The following RGS6 variants were observed in gnomAD, a reference collection of about 807,000 sequenced individuals.
RGS6 encodes the protein regulator of G-protein signaling 6.
RGS6 carries 30 observed loss-of-function variants against 78.5 expected under a neutral mutation model. The observed-to-expected ratio is 0.38, with a 90% confidence interval of 0.29 to 0.52. The LOEUF (loss-of-function observed/expected upper bound fraction) is 0.52, where lower values mean the gene tolerates loss of function less well. RGS6 is among the 20% of genes least tolerant of loss of function. The probability of loss-of-function intolerance (pLI) is 0.85; values close to 1 mark genes in which losing one functional copy is unlikely to be tolerated. For synonymous variants in RGS6, 206 were observed against 206.0 expected (o/e 1.00, Z 0.00); for missense variants, 495 against 609.7 (o/e 0.81, Z 1.98).
intron 2 of RGS6, among the ~76,000 whole-genome samples, chr14:72,051,811 G>T (rs1390210739): frequency 6.6e-6 from 1 of 152,174 alleles, no homozygotes; most frequent in Non-Finnish European, 1.5e-5. Context: ...AAGTCACTGA[G>T]AACTAAGGCT....
chr14:71,988,067 C>T (rs2094796880), intron 2 of RGS6, among the ~76,000 whole-genome samples: 3 of 152,094 alleles, frequency 2.0e-5, no homozygotes, highest in Admixed American at 2.0e-4. Context: ...TAGTGGCTGA[C>T]AAAAGGCACA....
the RGS6 span, among the ~76,000 whole-genome samples, chr14:72,573,530 A>C: frequency 6.6e-6 from 1 of 152,238 alleles, no homozygotes; most frequent in Non-Finnish European, 1.5e-5. Flanking sequence ...GATGGGAACC[A>C]CTGAACCAGA....
chr14:71,884,900 A>G, the RGS6 span, among the ~76,000 whole-genome samples: 5 of 152,182 alleles, frequency 3.3e-5, no homozygotes, highest in African/African-American at 9.7e-5. Context: ...TCCCTGTGGT[A>G]TAAGGGCAGG....
chr14:71,945,623 A>G (rs2091392251), intron 1 of RGS6, among the ~76,000 whole-genome samples: 1 of 152,220 alleles, frequency 6.6e-6, no homozygotes, highest in Non-Finnish European at 1.5e-5. Flanking sequence ...CATTGTCAAG[A>G]GAGACCTGGA....
chr14:72,299,130 T>C (rs768947096), intron 2 of RGS6, among the ~76,000 whole-genome samples: 8 of 152,230 alleles, frequency 5.3e-5, no homozygotes, highest in Non-Finnish European at 8.8e-5. Flanking sequence ...GGTAGCATCT[T>C]TATAGAGATA....
intron 2 of RGS6, among the ~76,000 whole-genome samples, chr14:72,096,882 GACAA>G (rs2095419945): frequency 6.6e-6 from 1 of 152,248 alleles, no homozygotes; most frequent in Admixed American, 6.5e-5. Flanking sequence ...CAACTTTGGA[GACAA>G]ACAACCACAG....
chr14:71,993,905 G>T (rs1197795129), intron 2 of RGS6, among the ~76,000 whole-genome samples: 2 of 151,836 alleles, frequency 1.3e-5, no homozygotes, highest in African/African-American at 4.8e-5. Flanking sequence ...CAAATTGGCA[G>T]AGTGTCTCTG....
At chr14:72,099,353 G>A (rs761847850) in intron 2 of RGS6, among the ~76,000 whole-genome samples, 11 of 152,056 alleles carry the variant, frequency 7.2e-5, no homozygotes, top group Non-Finnish European at 1.5e-4. Flanking sequence ...TAGAGACGGG[G>A]TTTCACCGTG....
chr14:71,987,882 A>C (rs949980564), intron 2 of RGS6, among the ~76,000 whole-genome samples: 5 of 152,160 alleles, frequency 3.3e-5, no homozygotes, highest in Non-Finnish European at 7.3e-5. Context: ...TAACCTTCTC[A>C]TGACTGTCCA....
At chr14:72,228,616 A>G (rs2048741569) in intron 2 of RGS6, among the ~76,000 whole-genome samples, 2 of 152,226 alleles carry the variant, frequency 1.3e-5, no homozygotes, top group South Asian at 2.1e-4. Context: ...CAGAAGATGA[A>G]CTTGAATCGA....
intron 2 of RGS6, among the ~76,000 whole-genome samples, chr14:72,206,289 A>AC (rs963610305): frequency 1.2e-4 from 18 of 152,024 alleles, no homozygotes; most frequent in Admixed American, 5.9e-4. Flanking sequence ...ACACAGTGAG[A>AC]CCCCCATCTC....
At chr14:72,419,922 A>G (rs189263354) in intron 3 of RGS6, among the ~76,000 whole-genome samples, 14 of 152,348 alleles carry the variant, frequency 9.2e-5, no homozygotes, top group African/African-American at 2.9e-4. Flanking sequence ...GTAGAGCAAA[A>G]TGGTCCAATC....
At chr14:72,087,528 G>A (rs8018960) in intron 2 of RGS6, among the ~76,000 whole-genome samples, 36,298 of 151,916 alleles carry the variant, frequency 0.24, 4,862 homozygotes, top group Admixed American at 0.34. Context: ...ACATGGGTCA[G>A]TCTTACTAAT....
the RGS6 span, among the ~76,000 whole-genome samples, chr14:72,601,337 G>A: frequency 6.1e-5 from 9 of 147,296 alleles, no homozygotes; most frequent in African/African-American, 2.3e-4. Flanking sequence ...CCCCACCCCC[G>A]AATCTAACCC....
chr14:72,346,538 G>A (rs149543026), intron 2 of RGS6, among the ~76,000 whole-genome samples: 1 of 152,304 alleles, frequency 6.6e-6, no homozygotes, highest in Non-Finnish European at 1.5e-5. Context: ...AATCCACCTG[G>A]TAAGACAGAC....
At chr14:72,348,921 C>G (rs902196512) in intron 2 of RGS6, among the ~76,000 whole-genome samples, 1 of 152,044 alleles carries the variant, frequency 6.6e-6, no homozygotes, top group Admixed American at 6.5e-5. Context: ...AATCCCAGCA[C>G]TTTGGGAGGC....
At chr14:72,186,422 G>A (rs1025586025) in intron 2 of RGS6, among the ~76,000 whole-genome samples, 9 of 152,226 alleles carry the variant, frequency 5.9e-5, no homozygotes, top group Admixed American at 5.2e-4. Context: ...AGGCTTTGAT[G>A]TGTTTATCTT....
chr14:72,334,279 A>C (rs1055463758), intron 2 of RGS6, among the ~76,000 whole-genome samples: 2 of 152,214 alleles, frequency 1.3e-5, no homozygotes, highest in Non-Finnish European at 2.9e-5. Flanking sequence ...CTGGAGGGCA[A>C]CTGGCCCTGG....
At chr14:72,194,627 G>A (rs1416906530) in intron 2 of RGS6, among the ~76,000 whole-genome samples, 4 of 152,178 alleles carry the variant, frequency 2.6e-5, no homozygotes, top group Non-Finnish European at 5.9e-5. Flanking sequence ...CTTCCAAAGT[G>A]CTGGGATTAC....
Sources: gnomAD v4.1 joint callset for allele counts (sites outside exome capture counted in the v4.1 genomes callset) on GRCh38, gnomAD v4.1.1 for gene constraint, MANE v1.5 for transcripts, NCBI Gene and HGNC (gene_info 2026-07-23, HGNC 2026-07-21) for gene names.